The following CD109 variants were observed in gnomAD, a reference collection of about 807,000 sequenced individuals.
CD109 encodes the protein CD109 antigen.
CD109 carries 149 observed loss-of-function variants against 165.8 expected under a neutral mutation model. The observed-to-expected ratio is 0.90, with a 90% confidence interval of 0.79 to 1.03. The LOEUF (loss-of-function observed/expected upper bound fraction) is 1.03, where lower values mean the gene tolerates loss of function less well. CD109 is among the 50% of genes least tolerant of loss of function. The pLI, the probability that CD109 is intolerant of heterozygous loss-of-function variation, is 0.00. For synonymous variants in CD109, 585 were observed against 592.1 expected (o/e 0.99, Z 0.18); for missense variants, 1,712 against 1,677.8 (o/e 1.02, Z -0.36).
At chr6:73,713,356 G>A (rs1249222607) in intron 2 of CD109, among the ~76,000 whole-genome samples, 1 of 152,068 alleles carries the variant, frequency 6.6e-6, no homozygotes, top group Non-Finnish European at 1.5e-5. Context: ...AAGAAATAGG[G>A]GTGGGTGGGA....
In CD109 at chr6:73,814,987, G is replaced by A; in HGVS notation, c.3775G>A (p.Val1259Ile). 6.5e-7 allele frequency: 1 copy of A among 1,540,742 alleles called. No homozygotes were observed. The highest frequency in any genetic ancestry group is 1.3e-5 in the South Asian group (1 of 77,960). ...GFGFAICQLN[V>I]VYNVKASGSS... ...GCTAGTTTATTTTTTACAGCTCAATGTTGTATATAATGTGAAGGCTTCTGG... is the reference window on the plus strand; with the variant it reads ...GCTAGTTTATTTTTTACAGCTCAATATTGTATATAATGTGAAGGCTTCTGG... The change falls in exon 30 of 33, where the codon GTT becomes ATT. Residue 1259 changes from valine to isoleucine, a missense_variant. Transcript: ENST00000287097.
intron 28 of CD109, 109 bp from the exon 29 acceptor site, chr6:73,812,096 C>A: frequency 1.5e-6 from 1 of 660,460 alleles, no homozygotes; most frequent in South Asian, 2.2e-5. Context: ...TTAGTGCTGT[C>A]AGTGATTGCT....
chr6:73,766,534 T>C (rs1000214913), intron 11 of CD109, among the ~76,000 whole-genome samples: 3 of 100,444 alleles, frequency 3.0e-5, no homozygotes, highest in Admixed American at 2.0e-4. Context: ...TATGTGTGTG[T>C]GTATATATAT....
In CD109 at chr6:73,776,531, C is replaced by A. The variant is rs141361944; in HGVS notation, c.1828-3893C>A. ...CCTCCTAAAGTGCTGGGATTGCAGG[C>A]GTGAGCCACCACGCAAGTGGCCTTT... On this transcript the variant is annotated intron_variant, in intron 15 of 32. Coordinates refer to ENST00000287097, the MANE Select transcript of CD109 (RefSeq NM_133493.5). 5.4e-3 allele frequency among the ~76,000 whole-genome samples: 779 copies of A among 143,074 alleles called. 9 individuals are homozygous for A. Among genetic ancestry groups the A allele is most frequent in the African/African-American group, 0.019 (749 of 38,848 alleles). 93.9% of individuals were successfully genotyped at this position (143,074 alleles called of 152,430 possible).
At chr6:73,767,706 T>G (rs1476166661) in intron 13 of CD109, among the ~76,000 whole-genome samples, 1 of 152,170 alleles carries the variant, frequency 6.6e-6, no homozygotes, top group Non-Finnish European at 1.5e-5. Context: ...TTATAGAAAA[T>G]TATACAATGT....
At chr6:73,729,459 G>A (rs1400476896) in intron 3 of CD109, among the ~76,000 whole-genome samples, 2 of 150,626 alleles carry the variant, frequency 1.3e-5, no homozygotes, top group Admixed American at 1.3e-4. Flanking sequence ...TATGGCTCTG[G>A]TCTGCTAATG....
chr6:73,800,569 G>C (rs1195698141), intron 23 of CD109, among the ~76,000 whole-genome samples: 1 of 152,168 alleles, frequency 6.6e-6, no homozygotes, highest in African/African-American at 2.4e-5. Context: ...TTTCCATACA[G>C]CTCACCCAAC....
At chr6:73,710,875 G>A (rs754951663) in intron 2 of CD109, among the ~76,000 whole-genome samples, 1 of 152,178 alleles carries the variant, frequency 6.6e-6, no homozygotes, top group Non-Finnish European at 1.5e-5. Context: ...TTTATAGCTC[G>A]GAAGCAGCTG....
intron 3 of CD109, among the ~76,000 whole-genome samples, chr6:73,725,342 A>G (rs1388500639): frequency 6.6e-6 from 1 of 152,134 alleles, no homozygotes; most frequent in African/African-American, 2.4e-5. Flanking sequence ...AAGCACAATA[A>G]TTGTCTGGTT....
chr6:73,739,692 C>G (rs1166226611), intron 5 of CD109, among the ~76,000 whole-genome samples: 1 of 151,748 alleles, frequency 6.6e-6, no homozygotes, highest in Non-Finnish European at 1.5e-5. Context: ...ACTAAAAATA[C>G]GAAAAATTAG....
At chr6:73,791,464 T>TAC (rs146737397) in intron 22 of CD109, among the ~76,000 whole-genome samples, 23 of 150,360 alleles carry the variant, frequency 1.5e-4, no homozygotes, top group Admixed American at 4.6e-4. Context: ...TACACATACA[T>TAC]ACACACACAC....
chr6:73,723,496 G>A (rs1473117741), intron 3 of CD109, among the ~76,000 whole-genome samples: 1 of 152,154 alleles, frequency 6.6e-6, no homozygotes, highest in African/African-American at 2.4e-5. Flanking sequence ...TTTTCCTCTT[G>A]TAAAATAGAA....
chr6:73,823,857 T>A lies in CD109; in HGVS notation c.*224T>A. ...GAATGAATGCAGTTGTGTGTCTATATTTTCCCCTCTCAAAATCTTTTAGAA... is the reference window on the plus strand; with the variant it reads ...GAATGAATGCAGTTGTGTGTCTATAATTTCCCCTCTCAAAATCTTTTAGAA... On this transcript the variant is annotated 3_prime_UTR_variant, in exon 33 of 33. Coordinates refer to ENST00000287097, the MANE Select transcript of CD109 (RefSeq NM_133493.5). The A allele has an allele frequency of 2.7e-6, 1 of 376,864 alleles. No homozygotes were observed. The highest frequency in any genetic ancestry group is 3.8e-5 in the East Asian group (1 of 25,982). The allele number at this position is 376,864 out of a possible 1,614,324, so 23.3% of individuals were successfully genotyped here. A position where few individuals can be genotyped will look rare whatever the true frequency, so the allele number is the denominator to read the frequency against.
At chr6:73,776,661 G>A (rs757342775) in intron 15 of CD109, among the ~76,000 whole-genome samples, 23 of 143,266 alleles carry the variant, frequency 1.6e-4, no homozygotes, top group East Asian at 1.3e-3. Context: ...GGGTTCAAGC[G>A]ATTCTCCTGC....
intron 20 of CD109, among the ~76,000 whole-genome samples, chr6:73,786,383 T>A (rs889242180): frequency 2.0e-5 from 3 of 152,088 alleles, no homozygotes; most frequent in Non-Finnish European, 4.4e-5. Context: ...ATATATAATT[T>A]TTTTTAATTT....
chr6:73,790,696 GA>G (rs1444568886), intron 22 of CD109, among the ~76,000 whole-genome samples: 5 of 151,764 alleles, frequency 3.3e-5, no homozygotes, highest in Non-Finnish European at 5.9e-5. Context: ...AGTGAGGCAG[GA>G]AAAAAAGGGT....
chr6:73,820,899 C>G (rs1776085568), intron 32 of CD109, among the ~76,000 whole-genome samples: 2 of 152,038 alleles, frequency 1.3e-5, no homozygotes, highest in South Asian at 4.1e-4. Context: ...GCTTCTATTC[C>G]AAGCACCCAT....
Position 73,807,032 on chromosome 6 carries a change from C to T in CD109, c.3149C>T (p.Ala1050Val). The stretch of plus-strand genomic sequence containing the variant: ...AATAAAAGTCCAGTAACACTTACAG[C>T]CTATATTGTAACTTCTCTCCTGGGA... ...GGNKSPVTLT[A>V]YIVTSLLGYR... Residue 1050 changes from alanine to valine, a missense_variant, in exon 25 of 33, where the codon GCC becomes GTC. Physicochemically the swap from Ala to Val is moderately conservative, Grantham distance 64. Coordinates refer to ENST00000287097, the MANE Select transcript of CD109 (RefSeq NM_133493.5). 6.2e-7 allele frequency: 1 copy of T among 1,613,610 alleles called. No homozygotes were observed. The highest frequency in any genetic ancestry group is 1.7e-5 in the Admixed American group (1 of 59,982).
intron 8 of CD109, 82 bp from the exon 9 acceptor site, chr6:73,762,659 T>G (rs1773679762): frequency 8.7e-7 from 1 of 1,150,680 alleles, no homozygotes; most frequent in African/African-American, 1.5e-5. Context: ...AGCTATCATA[T>G]TGTTGTGACT....
Sources: allele counts gnomAD v4.1 joint callset (sites outside exome capture counted in the v4.1 genomes callset), GRCh38; gene constraint gnomAD v4.1.1; transcripts MANE v1.5; gene names NCBI Gene and HGNC (gene_info 2026-07-23, HGNC 2026-07-21).